ZNF600: variants seen among roughly 807,000 people sequenced by gnomAD.
ZNF600 encodes zinc finger protein 600.
Under a neutral mutation model 7.3 loss-of-function variants are expected in ZNF600, and 4 were observed. That is an observed-to-expected ratio of 0.55 (90% CI 0.27 to 1.25). The LOEUF (loss-of-function observed/expected upper bound fraction) is 1.25, where lower values mean the gene tolerates loss of function less well. ZNF600 is among the 50% of genes most tolerant of loss of function. The probability of loss-of-function intolerance (pLI) is 0.12; values close to 1 mark genes in which losing one functional copy is unlikely to be tolerated. For missense variants in ZNF600, 911 were observed against 922.1 expected, an observed-to-expected ratio of 0.99 and a Z score of 0.16; for synonymous variants, 290 against 308.9, an observed-to-expected ratio of 0.94 and a Z score of 0.64.
At chr19:52,814,587 C>T in the ZNF600 span, among the ~76,000 whole-genome samples, 1 of 140,796 alleles carries the variant, frequency 7.1e-6, no homozygotes, top group Non-Finnish European at 1.5e-5. Context: ...GAGACTTTGT[C>T]TCAAAAAGAA....
intron 3 of ZNF600, among the ~76,000 whole-genome samples, chr19:52,772,247 G>A (rs997862824): frequency 6.6e-6 from 1 of 152,080 alleles, no homozygotes; most frequent in Admixed American, 6.6e-5. Context: ...AGTGGAGGTT[G>A]CGGTGAGCTG....
At chr19:52,771,412 A>G (rs933298862) in intron 3 of ZNF600, among the ~76,000 whole-genome samples, 2 of 151,394 alleles carry the variant, frequency 1.3e-5, no homozygotes, top group African/African-American at 4.9e-5. Context: ...TCTCCTACCT[A>G]AAGAGATTCT....
At position 52,764,687 on chromosome 19, in the gene ZNF600, T is replaced by C. The variant is rs191501677; in HGVS notation, c.*900A>G. On this transcript the variant is annotated 3_prime_UTR_variant, in exon 4 of 4. Coordinates refer to ENST00000648973, the Ensembl canonical transcript of ZNF600. The stretch of plus-strand genomic sequence containing the variant: ...CACCTGCCACCACGCCTGGCTAATA[T>C]TTTATATTTTTAGTAGAGATGGGGT... The C allele has an allele frequency of 8.9e-3, 1,362 of 152,446 alleles. 14 individuals carry two copies. Among genetic ancestry groups the C allele is most frequent in the Non-Finnish European group, 0.015 (1,014 of 68,348 alleles). The allele number at this position is 152,446 out of a possible 1,614,324, so 9.4% of individuals were successfully genotyped here.
At chr19:52,783,844 C>A (rs543246330) in intron 1 of ZNF600, among the ~76,000 whole-genome samples, 49 of 151,664 alleles carry the variant, frequency 3.2e-4, no homozygotes, top group African/African-American at 1.1e-3. Flanking sequence ...ACGCTGAAGT[C>A]CAATGGTGCG....
chr19:52,787,942 C>T (rs994618111), upstream of ZNF600, among the ~76,000 whole-genome samples: 1 of 151,792 alleles, frequency 6.6e-6, no homozygotes, highest in Non-Finnish European at 1.5e-5. Flanking sequence ...GATACCAGTA[C>T]ACAGATACCA....
the ZNF600 span, chr19:52,798,427 G>A: frequency 4.7e-6 from 2 of 422,580 alleles, no homozygotes; most frequent in African/African-American, 2.1e-5. Context: ...CTATACTAAT[G>A]GCATTTGAAA....
chr19:52,811,142 C>T, the ZNF600 span, among the ~76,000 whole-genome samples: 1 of 150,810 alleles, frequency 6.6e-6, no homozygotes, highest in Non-Finnish European at 1.5e-5. Flanking sequence ...GATCCGCCAG[C>T]CTCGGCCTCC....
upstream of ZNF600, among the ~76,000 whole-genome samples, chr19:52,787,434 T>G (rs1373727278): frequency 7.5e-6 from 1 of 133,984 alleles, no homozygotes; most frequent in South Asian, 2.4e-4. Context: ...TGAGACGGAG[T>G]CTCGCTGTGT....
chr19:52,796,980 C>T, the ZNF600 span, among the ~76,000 whole-genome samples: 10 of 151,988 alleles, frequency 6.6e-5, no homozygotes, highest in Admixed American at 2.0e-4. Flanking sequence ...TCATGAACTT[C>T]GTGAAGACCC....
In ZNF600 at chr19:52,780,709, C is replaced by T. The variant is rs1479411929; in HGVS notation, c.-19-1802G>A. 3.3e-5 allele frequency: 5 copies of T among 151,956 alleles called. No homozygotes were observed. The highest frequency in any genetic ancestry group is 5.9e-5 in the Non-Finnish European group (4 of 68,024). 9.4% of individuals were successfully genotyped at this position (151,956 alleles called of 1,614,324 possible). A position where few individuals can be genotyped will look rare whatever the true frequency, so the allele number is the denominator to read the frequency against. ...TGGCATTGCACTCCAGCCTCAGCCA[C>T]AAGAGTGAAAATTCCTCTCAAAAAA... is the stretch of plus-strand genomic sequence containing the variant. On this transcript the variant is annotated intron_variant, in intron 1 of 3. In the 5' UTR this introduces an upstream ATG that the reference lacks. Coordinates refer to ENST00000648973, the Ensembl canonical transcript of ZNF600.
chr19:52,778,937 T>A (rs778205857), intron 1 of ZNF600, 30 bp from the exon 4 acceptor site: 16 of 1,572,186 alleles, frequency 1.0e-5, no homozygotes, highest in Non-Finnish European at 1.2e-5. Flanking sequence ...AGACTTCTTG[T>A]TAGAAATGAC....
rs756603838 is a variant in ZNF600, at chr19:52,778,918, A to T, written c.-19-11T>A. ...CTTTAGGAATCAATCCTGTATGTGAAAAAAAATGAGACTTCTTGTTAGAAA... is the reference window on the plus strand; with the variant it reads ...CTTTAGGAATCAATCCTGTATGTGATAAAAAATGAGACTTCTTGTTAGAAA... On this transcript the variant is annotated splice_polypyrimidine_tract_variant and intron_variant, in intron 1 of 3. Coordinates refer to ENST00000648973, the Ensembl canonical transcript of ZNF600. 8.8e-6 allele frequency: 14 copies of T among 1,583,152 alleles called. No homozygotes were observed. The highest frequency in any genetic ancestry group is 1.2e-5 in the Non-Finnish European group (14 of 1,170,194).
At chr19:52,765,091 G>A (rs1465824451) in exon 4 of ZNF600, 1 of 367,424 alleles carries the variant, frequency 2.7e-6, no homozygotes, top group Non-Finnish European at 5.5e-6. Flanking sequence ...TCAATGTTAA[G>A]TCAACACAAA....
chr19:52,802,820 GCA>G, the ZNF600 span, among the ~76,000 whole-genome samples: 172 of 149,634 alleles, frequency 1.1e-3, no homozygotes, highest in African/African-American at 4.2e-3. Flanking sequence ...GAGTGCAGTG[GCA>G]TGATCTCGGC....
the ZNF600 span, chr19:52,799,136 T>G: frequency 2.4e-6 from 1 of 409,292 alleles, no homozygotes; most frequent in Admixed American, 3.8e-5. Flanking sequence ...TATGATGACT[T>G]GCAAGGTGTG....
chr19:52,820,395 G>C, the ZNF600 span, among the ~76,000 whole-genome samples: 2 of 108,250 alleles, frequency 1.8e-5, no homozygotes, highest in African/African-American at 4.4e-5. Flanking sequence ...GGGATTACAG[G>C]CGTGAGCCAC....
chr19:52,812,448 G>T, the ZNF600 span, among the ~76,000 whole-genome samples: 1 of 124,060 alleles, frequency 8.1e-6, no homozygotes, highest in Non-Finnish European at 1.7e-5. Flanking sequence ...TTGGGATCCT[G>T]TTGATCTGTG....
At chr19:52,782,279 C>A (rs1313723702) in intron 1 of ZNF600, among the ~76,000 whole-genome samples, 3 of 151,878 alleles carry the variant, frequency 2.0e-5, no homozygotes, top group African/African-American at 4.8e-5. Flanking sequence ...ATCACAGCAC[C>A]TTGGGAAGCT....
chr19:52,780,293 A>G (rs200163115), intron 1 of ZNF600, among the ~76,000 whole-genome samples: 3 of 152,298 alleles, frequency 2.0e-5, no homozygotes, highest in Middle Eastern at 3.4e-3. Flanking sequence ...GTGTCAAATG[A>G]GGGCTGTGGG....
Sources: gnomAD v4.1 joint callset for allele counts (sites outside exome capture counted in the v4.1 genomes callset) on GRCh38, gnomAD v4.1.1 for gene constraint, MANE v1.5 for transcripts, NCBI Gene and HGNC (gene_info 2026-07-23, HGNC 2026-07-21) for gene names.